Variants in C2CD4B observed in about 807,000 individuals in gnomAD.
C2CD4B encodes C2 calcium dependent domain containing 4B.
For synonymous variants in C2CD4B, 347 were observed against 284.9 expected (o/e 1.22, Z -2.20); for missense variants, 644 against 577.7 (o/e 1.11, Z -1.18).
rs1453324996 is a variant in C2CD4B, at chr15:62,164,873, G to T, written c.112C>A (p.Arg38=). 1 of 1,510,614 alleles carries T rather than the reference G, an allele frequency of 6.6e-7. No individual in the cohort carries two copies. The highest frequency in any genetic ancestry group is 8.8e-7 in the Non-Finnish European group (1 of 1,134,292). 93.6% of individuals were successfully genotyped at this position (1,510,614 alleles called of 1,614,324 possible). A position where few individuals can be genotyped will look rare whatever the true frequency, so the allele number is the denominator to read the frequency against. ...NRIPEFCIPP[R]LPAPCTLESP... ...TCGAGCGTGCAAGGGGCCGGCAGCC[G>T]CGGCGGGATGCAGAATTCGGGGATG... The change falls in exon 2 of 2, where the codon CGG becomes AGG. Residue 38 remains arginine (R), a synonymous_variant. Coordinates refer to ENST00000380392, the MANE Select transcript of C2CD4B (RefSeq NM_001007595.3).
rs551557912 is a variant in C2CD4B at position 62,164,653 on chromosome 15, C to A, written c.332G>T (p.Arg111Leu). Reference protein sequence around the residue: ...CALLESPHTRRKESLLLGGPP... With the variant: ...CALLESPHTRLKESLLLGGPP... ...GCCCCCGAGCAGGAGCGACTCCTTGCGGCGCGTGTGCGGGCTCTCGAGCAG... is the reference window on the plus strand; with the variant it reads ...GCCCCCGAGCAGGAGCGACTCCTTGAGGCGCGTGTGCGGGCTCTCGAGCAG... The change falls in exon 2 of 2, where the codon CGC (arginine) becomes CTC (leucine). Residue 111 changes from arginine (R) to leucine (L), a missense_variant. Arg to Leu is a moderately radical substitution (Grantham distance 102, BLOSUM62 -2). Transcript: ENST00000380392. 2.5e-4 allele frequency: 361 copies of A among 1,425,966 alleles called. No individual in the cohort carries two copies. In the East Asian group the frequency reaches 0.011, roughly 42 times the overall value. The allele number at this position is 1,425,966 out of a possible 1,614,324, so 88.3% of individuals were successfully genotyped here. A position where few individuals can be genotyped will look rare whatever the true frequency, so the allele number is the denominator to read the frequency against.
In C2CD4B at chr15:62,163,788, A is replaced by C; in HGVS notation, c.*102T>G. 1.5e-6 allele frequency: 2 copies of C among 1,330,288 alleles called. No homozygotes were observed. Among genetic ancestry groups the C allele is most frequent in the Non-Finnish European group, 1.9e-6 (2 of 1,035,178 alleles). The allele number at this position is 1,330,288 out of a possible 1,614,324, so 82.4% of individuals were successfully genotyped here. A position where few individuals can be genotyped will look rare whatever the true frequency, so the allele number is the denominator to read the frequency against. ...TGGTGAGGAAGTAAAACGTCAATAAAGCAGTATCATAAATAAAAAAATAAA... is the reference window on the plus strand; with the variant it reads ...TGGTGAGGAAGTAAAACGTCAATAACGCAGTATCATAAATAAAAAAATAAA... On this transcript the variant is annotated 3_prime_UTR_variant, in exon 2 of 2. Coordinates refer to ENST00000380392, the MANE Select transcript of C2CD4B (RefSeq NM_001007595.3).
chr15:62,164,908 G>GT lies in C2CD4B; in HGVS notation c.76dup (p.Thr26AsnfsTer36). ...GCAGAATTCGGGGATGCGATTCGGC[G>GT]TGAGCACTTTGGCGAAGGCGGGCTT... On this transcript the variant is annotated frameshift_variant, in exon 2 of 2. Coordinates refer to ENST00000380392, the MANE Select transcript of C2CD4B (RefSeq NM_001007595.3). LOFTEE classifies it low-confidence loss of function (END_TRUNC). The GT allele has an allele frequency of 2.0e-6, 3 of 1,537,650 alleles. No homozygotes were observed. The highest frequency in any genetic ancestry group is 2.6e-6 in the Non-Finnish European group (3 of 1,145,886).
Position 62,163,744 on chromosome 15 carries a change from A to G in C2CD4B, c.*146T>C. On this transcript the variant is annotated 3_prime_UTR_variant, in exon 2 of 2. Transcript: ENST00000380392. ...CATTATCTTTTTCTTCTTTACCAAT[A>G]GACGATGACAAATGTGGATGGTGAG... 8.7e-7 allele frequency: 1 copy of G among 1,146,044 alleles called. No homozygotes were observed. 71.0% of individuals were successfully genotyped at this position (1,146,044 alleles called of 1,614,324 possible).
At position 62,164,554 on chromosome 15, in the gene C2CD4B, C is replaced by T. The variant is rs935701129; in HGVS notation, c.431G>A (p.Cys144Tyr). 1.3e-5 allele frequency: 15 copies of T among 1,159,072 alleles called. No homozygotes were observed. Among genetic ancestry groups the T allele is most frequent in the Non-Finnish European group, 1.5e-5 (14 of 943,226 alleles). The allele number at this position is 1,159,072 out of a possible 1,614,324, so 71.8% of individuals were successfully genotyped here. The change falls in exon 2 of 2, where the codon TGC becomes TAC. Residue 144 changes from cysteine to tyrosine, a missense_variant. By Grantham distance (194) the Cys-to-Tyr change is radical. Coordinates refer to ENST00000380392, the MANE Select transcript of C2CD4B (RefSeq NM_001007595.3). ...GGPDAPLGTL[C>Y]GPRGPGPATP... ...GGCCGGGCCCGGACCTCGCGGGCCG[C>T]ACAGGGTCCCCAGGGGGGCGTCCGG...
Position 62,165,013 on chromosome 15 carries a change from G to T in C2CD4B, c.-29C>A. Reference sequence around the variant, plus strand: ...TGGAGGCTGGGGCTAGGAGTGGCGGGAAGAGGTGCGCCTGCGGGGGAGAGA... The same window carrying T: ...TGGAGGCTGGGGCTAGGAGTGGCGGTAAGAGGTGCGCCTGCGGGGGAGAGA... On this transcript the variant is annotated 5_prime_UTR_variant, in exon 2 of 2. Transcript: ENST00000380392. 1 of 1,480,206 alleles carries T rather than the reference G, an allele frequency of 6.8e-7. No homozygotes were observed. Among genetic ancestry groups the T allele is most frequent in the Non-Finnish European group, 8.9e-7 (1 of 1,118,538 alleles). The allele number at this position is 1,480,206 out of a possible 1,614,324, so 91.7% of individuals were successfully genotyped here.
Position 62,163,558 on chromosome 15 carries a change from T to TAAA in C2CD4B, c.*329_*331dup. 1 of 277,502 alleles carries TAAA rather than the reference T, an allele frequency of 3.6e-6. No homozygotes were observed. The highest frequency in any genetic ancestry group is 2.2e-5 in the African/African-American group (1 of 45,754). The allele number at this position is 277,502 out of a possible 1,614,324, so 17.2% of individuals were successfully genotyped here. ...ACTCTGAATGAATAACTTGCTTTAT[T>TAAA]AAAAAAAAACTGTAACATTGATAGA... On this transcript the variant is annotated 3_prime_UTR_variant, in exon 2 of 2. Transcript: ENST00000380392.
Position 62,165,042 on chromosome 15 carries a change from T to G in C2CD4B, c.-40-18A>C. On this transcript the variant is annotated intron_variant, in intron 1 of 1. Coordinates refer to ENST00000380392, the MANE Select transcript of C2CD4B (RefSeq NM_001007595.3). Reference sequence around the variant, plus strand: ...AGGTGCGCCTGCGGGGGAGAGAAGCTGCTGAGTTTGGGCGCCTGGAGCTGC... The same window carrying G: ...AGGTGCGCCTGCGGGGGAGAGAAGCGGCTGAGTTTGGGCGCCTGGAGCTGC... The G allele has an allele frequency of 6.9e-7, 1 of 1,452,886 alleles. No homozygotes were observed. Among genetic ancestry groups the G allele is most frequent in the Non-Finnish European group, 9.0e-7 (1 of 1,106,922 alleles). 90.0% of individuals were successfully genotyped at this position (1,452,886 alleles called of 1,614,324 possible).
chr15:62,164,279 G>C lies in C2CD4B; in HGVS notation c.706C>G (p.Arg236Gly). 7.0e-7 allele frequency: 1 copy of C among 1,422,548 alleles called. No individual in the cohort carries two copies. The highest frequency in any genetic ancestry group is 9.1e-7 in the Non-Finnish European group (1 of 1,098,126). 88.1% of individuals were successfully genotyped at this position (1,422,548 alleles called of 1,614,324 possible). The change falls in exon 2 of 2, where the codon CGC becomes GGC. Residue 236 changes from arginine (R) to glycine (G), a missense_variant. Coordinates refer to ENST00000380392, the MANE Select transcript of C2CD4B (RefSeq NM_001007595.3). ...PLSSRAPLPE[R>G]LEAKGTVALG... The stretch of plus-strand genomic sequence containing the variant: ...GCCACGGTGCCCTTGGCCTCCAGGC[G>C]CTCAGGAAGCGGGGCCCTGGATGAC...
chr15:62,164,958 G>A lies in C2CD4B; in HGVS notation c.27C>T (p.Ser9=). The change falls in exon 2 of 2, where the codon TCC becomes TCT. Residue 9 remains serine (S), a synonymous_variant. Transcript: ENST00000380392. ...TCGGCGCGGAGCTGCCTGCGGCCGA[G>A]GAACAGAGTTTCTCGAGGAGCCGCA... The part of the protein sequence containing the change: MRLLEKLC[S]SAAGSSAPKP... The A allele has an allele frequency of 1.3e-6, 2 of 1,527,804 alleles. No individual in the cohort carries two copies. The highest frequency in any genetic ancestry group is 2.0e-5 in the Admixed American group (1 of 49,394). 94.6% of individuals were successfully genotyped at this position (1,527,804 alleles called of 1,614,324 possible).
chr15:62,164,151 G>A lies in C2CD4B; in HGVS notation c.834C>T (p.Gly278=), dbSNP rs766686189. Residue 278 remains glycine (G), a synonymous_variant, in exon 2 of 2, where the codon GGC becomes GGT. Transcript: ENST00000380392. The stretch of plus-strand genomic sequence containing the variant: ...AGCGGACGGCGCGGGGCCCGGGGGC[G>A]CCTCCGAACAGGCTCTCCGCGCGGA... ...RLLRAESLFG[G]APGPRAVRCR... The A allele has an allele frequency of 1.4e-6, 2 of 1,456,180 alleles. No homozygotes were observed. The highest frequency in any genetic ancestry group is 9.0e-7 in the Non-Finnish European group (1 of 1,114,574). The allele number at this position is 1,456,180 out of a possible 1,614,324, so 90.2% of individuals were successfully genotyped here.
Position 62,164,506 on chromosome 15 carries a change from G to C in C2CD4B, c.479C>G (p.Pro160Arg). Residue 160 changes from proline (P) to arginine (R), a missense_variant, in exon 2 of 2, where the codon CCC becomes CGC. Pro to Arg is a moderately radical substitution (Grantham distance 103). Coordinates refer to ENST00000380392, the MANE Select transcript of C2CD4B (RefSeq NM_001007595.3). ...GPATPAAPGG[P>R]RLPQDALAAG... ...AGCGAGCGCGTCCTGGGGCAGGCGGGGACCGCCGGGGGCCGCGGGGGTGGC... is the reference window on the plus strand; with the variant it reads ...AGCGAGCGCGTCCTGGGGCAGGCGGCGACCGCCGGGGGCCGCGGGGGTGGC... 1 of 1,193,718 alleles carries C rather than the reference G, an allele frequency of 8.4e-7. No individual in the cohort carries two copies. Among genetic ancestry groups the C allele is most frequent in the Non-Finnish European group, 1.0e-6 (1 of 965,406 alleles). The allele number at this position is 1,193,718 out of a possible 1,614,324, so 73.9% of individuals were successfully genotyped here. A position where few individuals can be genotyped will look rare whatever the true frequency, so the allele number is the denominator to read the frequency against.
In C2CD4B at chr15:62,163,629, C is replaced by T; in HGVS notation, c.*261G>A. ...CAATGCAGATGGGTGTACTTCCTTT[C>T]TCTCCCAGTCCCAAGCCAACCCATT... On this transcript the variant is annotated 3_prime_UTR_variant, in exon 2 of 2. Coordinates refer to ENST00000380392, the MANE Select transcript of C2CD4B (RefSeq NM_001007595.3). The T allele has an allele frequency of 2.5e-6, 1 of 405,474 alleles. No homozygotes were observed. Among genetic ancestry groups the T allele is most frequent in the East Asian group, 3.7e-5 (1 of 27,182 alleles). 25.1% of individuals were successfully genotyped at this position (405,474 alleles called of 1,614,324 possible).
In C2CD4B at chr15:62,164,290, G is replaced by C. The variant is rs1383148244; in HGVS notation, c.695C>G (p.Pro232Arg). 1.1e-5 allele frequency: 15 copies of C among 1,420,550 alleles called. No individual in the cohort carries two copies. Among genetic ancestry groups the C allele is most frequent in the Admixed American group, 6.5e-5 (2 of 30,968 alleles). 88.0% of individuals were successfully genotyped at this position (1,420,550 alleles called of 1,614,324 possible). A position where few individuals can be genotyped will look rare whatever the true frequency, so the allele number is the denominator to read the frequency against. Reference sequence around the variant, plus strand: ...CTTGGCCTCCAGGCGCTCAGGAAGCGGGGCCCTGGATGACAGCGGGCTCGA... The same window carrying C: ...CTTGGCCTCCAGGCGCTCAGGAAGCCGGGCCCTGGATGACAGCGGGCTCGA... Reference protein sequence around the residue: ...PSSSPLSSRAPLPERLEAKGT... With the variant: ...PSSSPLSSRARLPERLEAKGT... The change falls in exon 2 of 2, where the codon CCG becomes CGG. Residue 232 changes from proline to arginine, a missense_variant. Physicochemically the swap from Pro to Arg is moderately radical, Grantham distance 103. Coordinates refer to ENST00000380392, the MANE Select transcript of C2CD4B (RefSeq NM_001007595.3).
Position 62,165,233 on chromosome 15 carries a change from G to A in C2CD4B, c.-79C>T, listed in dbSNP as rs1053410457. ...TCAGTGTCTCTGGATCTGGTTGCAA[G>A]CTCAGTGCCAGTGGCCTCTAGCCCG... On this transcript the variant is annotated 5_prime_UTR_variant, in exon 1 of 2. Coordinates refer to ENST00000380392, the MANE Select transcript of C2CD4B (RefSeq NM_001007595.3). 2.1e-6 allele frequency: 1 copy of A among 467,922 alleles called. No individual in the cohort carries two copies. Among genetic ancestry groups the A allele is most frequent in the Non-Finnish European group, 3.7e-6 (1 of 270,910 alleles). 29.0% of individuals were successfully genotyped at this position (467,922 alleles called of 1,614,324 possible).
chr15:62,163,694 G>A lies in C2CD4B; in HGVS notation c.*196C>T. ...AAAAATGGTCTGGAAAGAGATATGG[G>A]GGTCCTGTGAACAGAACAGGGAGTC... On this transcript the variant is annotated 3_prime_UTR_variant, in exon 2 of 2. Transcript: ENST00000380392. 1 of 746,424 alleles carries A rather than the reference G, an allele frequency of 1.3e-6. No homozygotes were observed. Among genetic ancestry groups the A allele is most frequent in the South Asian group, 6.3e-5 (1 of 15,864 alleles). 46.2% of individuals were successfully genotyped at this position (746,424 alleles called of 1,614,324 possible). A position where few individuals can be genotyped will look rare whatever the true frequency, so the allele number is the denominator to read the frequency against.
rs2049589377 is a variant in C2CD4B at position 62,164,468 on chromosome 15, G to C, written c.517C>G (p.Arg173Gly). 39 of 1,282,464 alleles carry C rather than the reference G, an allele frequency of 3.0e-5. No homozygotes were observed. The highest frequency in any genetic ancestry group is 3.0e-4 in the Admixed American group (7 of 23,582). The allele number at this position is 1,282,464 out of a possible 1,614,324, so 79.4% of individuals were successfully genotyped here. ...PQDALAAGPR[R>G]CRLLRVPDGL... ...TCGGGGACGCGCAGGAGGCGGCAGC[G>C]GCGGGGCCCCGCAGCGAGCGCGTCC... Residue 173 changes from arginine (R) to glycine (G), a missense_variant, in exon 2 of 2, where the codon CGC becomes GGC. Physicochemically the swap from Arg to Gly is moderately radical, Grantham distance 125 (BLOSUM62 -2). Coordinates refer to ENST00000380392, the MANE Select transcript of C2CD4B (RefSeq NM_001007595.3).
chr15:62,164,405 G>A lies in C2CD4B; in HGVS notation c.580C>T (p.Arg194Cys), dbSNP rs1243289558. ...LSRALRAGRS[R>C]RLARVRSVSS... ...ACGGAGCGGACGCGGGCCAGGCGGC[G>A]ACTCCTTCCAGCCCGCAGCGCGCGA... The change falls in exon 2 of 2, where the codon CGC becomes TGC. Residue 194 changes from arginine to cysteine, a missense_variant. By Grantham distance (180) the Arg-to-Cys change is radical (BLOSUM62 -3). Transcript: ENST00000380392. 2.1e-6 allele frequency: 3 copies of A among 1,416,316 alleles called. No homozygotes were observed. The highest frequency in any genetic ancestry group is 1.5e-5 in the South Asian group (1 of 67,130). The allele number at this position is 1,416,316 out of a possible 1,614,324, so 87.7% of individuals were successfully genotyped here.
Position 62,164,916 on chromosome 15 carries a change from T to C in C2CD4B, c.69A>G (p.Lys23=), listed in dbSNP as rs1472253967. 6.5e-7 allele frequency: 1 copy of C among 1,538,194 alleles called. No homozygotes were observed. The highest frequency in any genetic ancestry group is 2.0e-5 in the Admixed American group (1 of 50,454). Residue 23 remains lysine (K), a synonymous_variant, in exon 2 of 2, where the codon AAA becomes AAG. Transcript: ENST00000380392. ...CGGGGATGCGATTCGGCGTGAGCAC[T>C]TTGGCGAAGGCGGGCTTCGGCGCGG... ...GSSAPKPAFA[K]VLTPNRIPEF... is the part of the protein sequence containing the mutation.
Sources: gnomAD v4.1 joint callset for allele counts on GRCh38, gnomAD v4.1.1 for gene constraint, MANE v1.5 for transcripts, NCBI Gene and HGNC (gene_info 2026-07-23, HGNC 2026-07-21) for gene names.